The following ZCCHC10 variants were observed in gnomAD, a reference collection of about 807,000 sequenced individuals.
ZCCHC10 encodes zinc finger CCHC domain-containing protein 10.
ZCCHC10 carries 16 observed loss-of-function variants against 19.5 expected under a neutral mutation model. The observed-to-expected ratio is 0.82, with a 90% confidence interval of 0.56 to 1.25. The LOEUF (loss-of-function observed/expected upper bound fraction) is 1.25. ZCCHC10 is among the 50% of genes most tolerant of loss of function. ZCCHC10 has a pLI of 0.00. For missense variants in ZCCHC10, 197 were observed against 201.0 expected, an observed-to-expected ratio of 0.98 and a Z score of 0.12; for synonymous variants, 67 against 72.5, an observed-to-expected ratio of 0.92 and a Z score of 0.38.
At position 133,003,252 on chromosome 5, in the gene ZCCHC10, G is replaced by A. The variant is rs1411712526; in HGVS notation, c.270-3079C>T. The stretch of plus-strand genomic sequence containing the variant: ...CATTGTTCAATCCAGATGTTTGTTG[G>A]GACAGAAAGACTAACCCAGAGCCCT... On this transcript the variant is annotated intron_variant, in intron 3 of 4. Transcript: ENST00000509437. 6.8e-6 allele frequency: 3 copies of A among 438,798 alleles called. No individual in the cohort carries two copies. In the East Asian group the frequency reaches 1.9e-4, roughly 27 times the overall value. 27.2% of individuals were successfully genotyped at this position (438,798 alleles called of 1,614,324 possible).
At chr5:133,025,173 G>A (rs918848228) in intron 1 of ZCCHC10, among the ~76,000 whole-genome samples, 2 of 152,106 alleles carry the variant, frequency 1.3e-5, no homozygotes, top group Non-Finnish European at 2.9e-5. Flanking sequence ...AGAGGCAGAT[G>A]TCTGGATGTG....
chr5:132,998,681 AGGAGGAGGAAGAGGTTGT>A lies in ZCCHC10; in HGVS notation c.463_480del (p.Thr155_Ser160del). The A allele has an allele frequency of 6.2e-7, 1 of 1,614,146 alleles. No individual in the cohort carries two copies. Among genetic ancestry groups the A allele is most frequent in the Non-Finnish European group, 8.5e-7 (1 of 1,180,030 alleles). ...GAGCTGGAATCTGAGTCTGAATCAG[AGGAGGAGGAAGAGGTTGT>A]GGAGGAGGCTGAGGATGAGGAACTA... On this transcript the variant is annotated inframe_deletion, in exon 5 of 5. Coordinates refer to ENST00000509437, the MANE Select transcript of ZCCHC10 (RefSeq NM_001300816.3).
intron 1 of ZCCHC10, among the ~76,000 whole-genome samples, chr5:133,023,211 G>T (rs1448431450): frequency 6.6e-6 from 1 of 152,146 alleles, no homozygotes. Flanking sequence ...GACGACTCTG[G>T]ATGTTGAAGA....
intron 3 of ZCCHC10, chr5:133,003,070 T>A (rs1371165852): frequency 3.9e-6 from 1 of 258,898 alleles, no homozygotes; most frequent in African/African-American, 2.3e-5. Flanking sequence ...CAGGGCCTGG[T>A]GGCTAGGCTG....
intron 1 of ZCCHC10, among the ~76,000 whole-genome samples, chr5:133,025,729 T>A (rs994701055): frequency 1.3e-5 from 2 of 152,158 alleles, no homozygotes; most frequent in Non-Finnish European, 2.9e-5. Flanking sequence ...ATCCTTTAAA[T>A]CTCTGTTCAA....
intron 2 of ZCCHC10, among the ~76,000 whole-genome samples, chr5:133,016,430 ATTAT>A (rs899234977): frequency 5.3e-5 from 8 of 152,028 alleles, no homozygotes; most frequent in Admixed American, 6.6e-5. Flanking sequence ...AGAAGCAATT[ATTAT>A]TTATTTTTCT....
intron 1 of ZCCHC10, among the ~76,000 whole-genome samples, chr5:133,025,108 ACT>A (rs1041122654): frequency 3.3e-5 from 5 of 152,084 alleles, no homozygotes; most frequent in African/African-American, 1.2e-4. Flanking sequence ...ATACTAGCAG[ACT>A]CTGAGCTACA....
At chr5:132,999,959 G>C (rs533438178) in intron 4 of ZCCHC10, among the ~76,000 whole-genome samples, 173 bp downstream of exon 4, 1 of 152,280 alleles carries the variant, frequency 6.6e-6, no homozygotes, top group Non-Finnish European at 1.5e-5. Context: ...TGTTGGACAG[G>C]CTGGTCTCCA....
chr5:133,022,085 C>G (rs548875879), intron 2 of ZCCHC10, among the ~76,000 whole-genome samples: 1 of 152,088 alleles, frequency 6.6e-6, no homozygotes, highest in African/African-American at 2.4e-5. Context: ...CATGAGCCAC[C>G]GCACCCGGCC....
intron 2 of ZCCHC10, among the ~76,000 whole-genome samples, chr5:133,015,048 G>A (rs946593346): frequency 1.3e-5 from 2 of 151,122 alleles, no homozygotes; most frequent in Non-Finnish European, 2.9e-5. Context: ...CTTGATTAAG[G>A]AGTGCCTACC....
chr5:133,020,030 C>A (rs1195961447), intron 2 of ZCCHC10, among the ~76,000 whole-genome samples: 2 of 151,064 alleles, frequency 1.3e-5, no homozygotes, highest in African/African-American at 4.9e-5. Flanking sequence ...ACCTAAGAAT[C>A]CAAACAATAG....
intron 1 of ZCCHC10, among the ~76,000 whole-genome samples, chr5:133,025,226 C>T (rs1178701286): frequency 1.3e-5 from 2 of 151,838 alleles, no homozygotes; most frequent in African/African-American, 2.4e-5. Context: ...AAGGGGTTGC[C>T]GCGCGCGGTA....
intron 3 of ZCCHC10, among the ~76,000 whole-genome samples, chr5:133,003,746 T>C (rs759451045): frequency 1.3e-5 from 2 of 152,202 alleles, no homozygotes; most frequent in Non-Finnish European, 2.9e-5. Context: ...AGTCTCACTG[T>C]ATCACCCAGG....
rs550227878 is a variant in ZCCHC10, at chr5:132,999,968, C to T, written c.311+164G>A. ...TCACCATGTTGGACAGGCTGGTCTC[C>T]AACTCCTGACCTCAGGTGATCCACC... On this transcript the variant is annotated intron_variant, in intron 4 of 4. Transcript: ENST00000509437. Among the ~76,000 whole-genome samples, 10 of 152,260 alleles carry T rather than the reference C, an allele frequency of 6.6e-5. No homozygotes were observed. In the South Asian group the frequency reaches 2.1e-3, roughly 32 times the overall value.
chr5:133,006,695 T>C, intron 3 of ZCCHC10, 64 bp downstream of exon 3: 1 of 1,447,206 alleles, frequency 6.9e-7, no homozygotes, highest in Non-Finnish European at 9.2e-7. Context: ...AAACGTTTGG[T>C]CCTTTAATAA....
chr5:132,999,101 A>C (rs1383720297), intron 4 of ZCCHC10, among the ~76,000 whole-genome samples: 1 of 152,058 alleles, frequency 6.6e-6, no homozygotes, highest in Non-Finnish European at 1.5e-5. Context: ...TTTTTAGTAG[A>C]GACGGGGTTT....
At chr5:133,016,499 A>G (rs995633793) in intron 2 of ZCCHC10, among the ~76,000 whole-genome samples, 3 of 151,712 alleles carry the variant, frequency 2.0e-5, no homozygotes, top group Non-Finnish European at 4.4e-5. Context: ...CTGGAGTGCA[A>G]TGGCGCAATC....
rs775301491 is a variant in ZCCHC10, at chr5:133,000,168, C to G, written c.275G>C (p.Gly92Ala). The G allele has an allele frequency of 1.2e-6, 2 of 1,613,850 alleles. No homozygotes were observed. The highest frequency in any genetic ancestry group is 1.7e-6 in the Non-Finnish European group (2 of 1,179,988). ...ENRLLLQQSI[G>A]ETNVERKAKK... Reference sequence around the variant, plus strand: ...GGCCTTTCTTTCTACATTGGTTTCTCCAATGCTGATAAACACGAGGGGGAA... The same window carrying G: ...GGCCTTTCTTTCTACATTGGTTTCTGCAATGCTGATAAACACGAGGGGGAA... The change falls in exon 4 of 5, where the codon GGA becomes GCA. Residue 92 changes from glycine to alanine, a missense_variant. By Grantham distance (60) the Gly-to-Ala change is moderately conservative. Transcript: ENST00000509437.
In ZCCHC10 at chr5:133,025,503, CAAAAAAAAAAAA is replaced by C. The variant is rs74843776; in HGVS notation, c.41+982_41+993del. Among the ~76,000 whole-genome samples the C allele has an allele frequency of 4.5e-3, 84 of 18,678 alleles. 1 individual carries two copies. The highest frequency in any genetic ancestry group is 0.01 in the African/African-American group (73 of 7,150). The allele number at this position is 18,678 out of a possible 152,430, so 12.3% of individuals were successfully genotyped here. ...TGGGAGACAGAGCAAGACTCCGCCT[CAAAAAAAAAAAA>C]AAAAAAAAAAAAAAAAAAGAAAGGG... is the stretch of plus-strand genomic sequence containing the variant. On this transcript the variant is annotated intron_variant, in intron 1 of 4. Transcript: ENST00000509437.
Sources: allele counts gnomAD v4.1 joint callset (sites outside exome capture counted in the v4.1 genomes callset), GRCh38; gene constraint gnomAD v4.1.1; transcripts MANE v1.5; gene names NCBI Gene and HGNC (gene_info 2026-07-23, HGNC 2026-07-21).